The following ASTN2 variants were observed in gnomAD, a reference collection of about 807,000 sequenced individuals.
The protein encoded by ASTN2 is astrotactin-2.
A neutral mutation model predicts 139.8 loss-of-function variants in ASTN2; 54 were observed. The ratio of observed to expected loss-of-function variants is 0.39; its 90% CI spans 0.31 to 0.48. The LOEUF (loss-of-function observed/expected upper bound fraction) is 0.48. Among genes scored for constraint, ASTN2 ranks in the 20% least tolerant of loss-of-function variants. The probability of loss-of-function intolerance (pLI) is 0.95; values close to 1 mark genes in which losing one functional copy is unlikely to be tolerated. For missense variants in ASTN2, 1,565 were observed against 1,725.1 expected (o/e 0.91, Z 1.64); for synonymous variants, 756 against 719.5 (o/e 1.05, Z -0.81).
chr9:117,146,487 A>G (rs1213129319), intron 3 of ASTN2, among the ~76,000 whole-genome samples: 2 of 151,950 alleles, frequency 1.3e-5, no homozygotes, highest in Non-Finnish European at 2.9e-5. Flanking sequence ...AAAAAAAAAA[A>G]AAAACAAGAA....
chr9:116,944,100 C>T (rs1278019960), intron 10 of ASTN2, among the ~76,000 whole-genome samples: 1 of 151,662 alleles, frequency 6.6e-6, no homozygotes, highest in Non-Finnish European at 1.5e-5. Context: ...TTTATAACTA[C>T]CTTATGGGGA....
At chr9:117,197,747 C>T (rs1281703576) in intron 3 of ASTN2, among the ~76,000 whole-genome samples, 1 of 152,146 alleles carries the variant, frequency 6.6e-6, no homozygotes, top group Non-Finnish European at 1.5e-5. Context: ...AAGGGTAGAA[C>T]ATTTAGTTGT....
At chr9:116,608,715 T>C (rs1044164430) in intron 19 of ASTN2, among the ~76,000 whole-genome samples, 3 of 152,160 alleles carry the variant, frequency 2.0e-5, no homozygotes, top group Admixed American at 2.0e-4. Context: ...TCGCAATGTC[T>C]GGCATCTAAT....
At chr9:117,109,489 G>A (rs1177582340) in intron 4 of ASTN2, among the ~76,000 whole-genome samples, 1 of 152,132 alleles carries the variant, frequency 6.6e-6, no homozygotes, top group Admixed American at 6.6e-5. Flanking sequence ...GCCCCTGGAA[G>A]TAATTTGATT....
chr9:116,848,359 G>C (rs1384033979), intron 11 of ASTN2, among the ~76,000 whole-genome samples: 2 of 152,182 alleles, frequency 1.3e-5, no homozygotes, highest in Non-Finnish European at 2.9e-5. Context: ...GGGGAAAATA[G>C]CTTATTGTGA....
At chr9:116,621,799 T>C (rs759710433) in intron 17 of ASTN2, among the ~76,000 whole-genome samples, 2 of 152,200 alleles carry the variant, frequency 1.3e-5, no homozygotes, top group Non-Finnish European at 2.9e-5. Context: ...TAAAGAGAAC[T>C]TGGAAGGCAC....
chr9:117,017,958 T>TAA (rs10649974), intron 6 of ASTN2, among the ~76,000 whole-genome samples: 52,286 of 142,216 alleles, frequency 0.37, 9,560 homozygotes, highest in Non-Finnish European at 0.38. Context: ...TCAGTCTCAT[T>TAA]AAAAAAAAAA....
rs80264608 is a variant in ASTN2, at chr9:117,403,857, C to G, written c.442+10640G>C. Among the ~76,000 whole-genome samples the G allele has an allele frequency of 3.7e-3, 558 of 152,220 alleles. 7 individuals are homozygous for G. Among genetic ancestry groups the G allele is most frequent in the African/African-American group, 0.013 (528 of 41,540 alleles). On this transcript the variant is annotated intron_variant, in intron 1 of 22. Transcript: ENST00000313400. ...GAATTCCCTGCTTCCCCCAGCTTCC[C>G]CCAGCTCCAAGAGAATGAGCAGACA...
intron 1 of ASTN2, among the ~76,000 whole-genome samples, chr9:117,330,478 G>A (rs551520228): frequency 1.3e-5 from 2 of 152,260 alleles, no homozygotes; most frequent in Admixed American, 6.5e-5. Flanking sequence ...ATAGAGGACG[G>A]CAGGGCTCCA....
At chr9:116,488,678 A>G (rs1001854741) in intron 19 of ASTN2, among the ~76,000 whole-genome samples, 2 of 152,198 alleles carry the variant, frequency 1.3e-5, no homozygotes, top group Non-Finnish European at 2.9e-5. Flanking sequence ...ATTACAAAAT[A>G]ATCTCATTTT....
chr9:116,901,602 G>A (rs907829887), intron 10 of ASTN2, among the ~76,000 whole-genome samples: 2 of 152,158 alleles, frequency 1.3e-5, no homozygotes, highest in African/African-American at 4.8e-5. Flanking sequence ...AGTTATATAA[G>A]AGTATAGCAC....
At chr9:116,983,620 C>A (rs781001649) in intron 7 of ASTN2, among the ~76,000 whole-genome samples, 1 of 152,196 alleles carries the variant, frequency 6.6e-6, no homozygotes, top group Non-Finnish European at 1.5e-5. Context: ...ATTATGCATT[C>A]GCTTCTTTGC....
rs1276099385 is a variant in ASTN2 at position 116,839,676 on chromosome 9, A to AT, written c.2041-18894dup. Among the ~76,000 whole-genome samples the AT allele has an allele frequency of 2.6e-4, 40 of 151,122 alleles. 1 individual carries two copies. Among genetic ancestry groups the AT allele is most frequent in the African/African-American group, 8.8e-4 (36 of 41,136 alleles). ...ACACCGGTCTAATTTTTGTATATAT[A>AT]TATTTTTTTCCTGAGAGGGAGTCTC... is the stretch of plus-strand genomic sequence containing the variant. On this transcript the variant is annotated intron_variant, in intron 11 of 22. Transcript: ENST00000313400.
At chr9:117,214,817 C>T (rs1029526969) in intron 2 of ASTN2, 75 bp from the exon 3 acceptor site, 8 of 1,360,736 alleles carry the variant, frequency 5.9e-6, no homozygotes, top group Non-Finnish European at 6.6e-6. Flanking sequence ...TTTTCCTGTC[C>T]ACTACACTCT....
chr9:116,786,879 TG>T (rs1311354970), intron 13 of ASTN2, among the ~76,000 whole-genome samples: 1 of 152,126 alleles, frequency 6.6e-6, no homozygotes, highest in African/African-American at 2.4e-5. Flanking sequence ...AATTGAGTCA[TG>T]GGGGCCATTT....
intron 16 of ASTN2, among the ~76,000 whole-genome samples, chr9:116,721,706 C>T (rs921264702): frequency 2.0e-5 from 3 of 152,166 alleles, no homozygotes; most frequent in Admixed American, 1.3e-4. Flanking sequence ...TTAGATTCTA[C>T]CTTATTGACC....
intron 19 of ASTN2, chr9:116,543,960 A>T (rs1351626616): frequency 5.3e-5 from 8 of 152,226 alleles, no homozygotes. Flanking sequence ...CCGGGAGTAG[A>T]TGACTAAACC....
chr9:116,717,272 G>T (rs989246702), intron 16 of ASTN2, among the ~76,000 whole-genome samples: 7 of 147,428 alleles, frequency 4.7e-5, no homozygotes, highest in African/African-American at 1.8e-4. Context: ...GTTCCAGATG[G>T]ACTCAATCTA....
chr9:116,632,037 C>G (rs1856768724), intron 17 of ASTN2, among the ~76,000 whole-genome samples: 1 of 150,866 alleles, frequency 6.6e-6, no homozygotes, highest in Non-Finnish European at 1.5e-5. Flanking sequence ...TCGCTTGAAC[C>G]CAGGAGGTGG....
Sources: gnomAD v4.1 joint callset for allele counts (sites outside exome capture counted in the v4.1 genomes callset) on GRCh38, gnomAD v4.1.1 for gene constraint, MANE v1.5 for transcripts, NCBI Gene and HGNC (gene_info 2026-07-23, HGNC 2026-07-21) for gene names.